Variants in KIF15 observed in about 807,000 individuals in gnomAD.
KIF15 encodes kinesin-like protein KIF15.
KIF15 carries 140 observed loss-of-function variants against 190.6 expected under a neutral mutation model. The ratio of observed to expected loss-of-function variants is 0.73; its 90% CI spans 0.64 to 0.84. The LOEUF (loss-of-function observed/expected upper bound fraction) is 0.84. KIF15 is among the 40% of genes least tolerant of loss of function. The pLI is 0.00. For synonymous variants in KIF15, 528 were observed against 551.3 expected (o/e 0.96, Z 0.59); for missense variants, 1,372 against 1,584.4 (o/e 0.87, Z 2.28).
intron 16 of KIF15, among the ~76,000 whole-genome samples, chr3:44,809,012 G>A (rs1707658771): frequency 6.6e-6 from 1 of 152,124 alleles, no homozygotes. Flanking sequence ...AAGGAGAAGT[G>A]GTCATTTTAG....
chr3:44,796,492 C>T (rs577478867), intron 8 of KIF15, among the ~76,000 whole-genome samples: 27 of 152,128 alleles, frequency 1.8e-4, no homozygotes, highest in African/African-American at 6.3e-4. Context: ...TTAAAGAAAC[C>T]GAAGTCACAC....
At chr3:44,787,294 A>G (rs1706453021) in intron 7 of KIF15, among the ~76,000 whole-genome samples, 1 of 152,168 alleles carries the variant, frequency 6.6e-6, no homozygotes, top group Non-Finnish European at 1.5e-5. Flanking sequence ...ACTAAGTTGA[A>G]TGTCATTATC....
At chr3:44,791,668 T>C (rs1342632032) in intron 7 of KIF15, among the ~76,000 whole-genome samples, 1 of 152,226 alleles carries the variant, frequency 6.6e-6, no homozygotes, top group Admixed American at 6.5e-5. Flanking sequence ...TTGTATTTGC[T>C]TTTTCCCCTT....
intron 26 of KIF15, among the ~76,000 whole-genome samples, chr3:44,837,361 A>T: frequency 6.6e-6 from 1 of 152,192 alleles, no homozygotes; most frequent in African/African-American, 2.4e-5. Flanking sequence ...CAGCCTAAAG[A>T]AATAATCTAG....
intron 6 of KIF15, chr3:44,862,113 C>T (rs763819652): frequency 1.4e-4 from 147 of 1,039,214 alleles, no homozygotes; most frequent in Non-Finnish European, 1.7e-4. Flanking sequence ...CCTTCGGCAG[C>T]GAGGTCGAGC....
In KIF15 at chr3:44,851,945, C is replaced by T. The variant is rs760634030; in HGVS notation, c.3965C>T (p.Thr1322Ile). The T allele has an allele frequency of 1.9e-6, 3 of 1,612,948 alleles. No homozygotes were observed. The Admixed American group carries it at 5.0e-5, about 27-fold the overall frequency. Residue 1322 changes from threonine to isoleucine, a missense_variant, in exon 33 of 35, where the codon ACA (threonine) becomes ATA (isoleucine). Thr to Ile is a moderately conservative substitution (Grantham distance 89). Coordinates refer to ENST00000326047, the MANE Select transcript of KIF15 (RefSeq NM_020242.3). ...LEEMYEERERTSQEMEMLRKQ... is the reference protein window; with the variant it reads ...LEEMYEERERISQEMEMLRKQ... ...GAAATGTATGAAGAAAGAGAGAGAA[C>T]ATCCCAGGTGTGCTAGTGTGTTGGT...
At chr3:44,792,403 G>A (rs909423700) in intron 7 of KIF15, among the ~76,000 whole-genome samples, 1 of 151,994 alleles carries the variant, frequency 6.6e-6, no homozygotes, top group African/African-American at 2.4e-5. Context: ...GAGCCTGGGA[G>A]GCAGAGATTT....
intron 20 of KIF15, among the ~76,000 whole-genome samples, chr3:44,823,614 C>G (rs1287655058): frequency 1.8e-4 from 28 of 152,214 alleles, no homozygotes; most frequent in Non-Finnish European, 1.3e-4. Flanking sequence ...GCTCTGCCCC[C>G]ACAGGTGGAA....
At chr3:44,802,257 T>C (rs1187214105) in intron 13 of KIF15, among the ~76,000 whole-genome samples, 1 of 152,210 alleles carries the variant, frequency 6.6e-6, no homozygotes, top group Non-Finnish European at 1.5e-5. Context: ...GTCAGTAGGC[T>C]CTTTAGGGTT....
In KIF15 at chr3:44,832,588, C is replaced by T. The variant is rs561085274; in HGVS notation, c.3171+1570C>T. On this transcript the variant is annotated intron_variant, in intron 26 of 34. Transcript: ENST00000326047. ...AGGCCCACAGAAAGTTAATGAGATG[C>T]ATTTTATACATACCAGTTTTGAATT... is the stretch of plus-strand genomic sequence containing the variant. Among the ~76,000 whole-genome samples, 169 of 152,244 alleles carry T rather than the reference C, an allele frequency of 1.1e-3. 2 individuals are homozygous for T. The highest frequency in any genetic ancestry group is 6.8e-3 in the Middle Eastern group (2 of 294).
intron 1 of KIF15, among the ~76,000 whole-genome samples, chr3:44,765,778 A>C (rs1204777906): frequency 1.3e-5 from 2 of 152,004 alleles, no homozygotes; most frequent in Non-Finnish European, 2.9e-5. Context: ...TGTCTTCCTA[A>C]TTACTTTCAC....
intron 4 of KIF15, among the ~76,000 whole-genome samples, chr3:44,778,742 G>T (rs1443145323): frequency 6.6e-6 from 1 of 151,884 alleles, no homozygotes; most frequent in Non-Finnish European, 1.5e-5. Flanking sequence ...ACTTTGGGAG[G>T]CTGAGGTGGA....
chr3:44,841,626 C>G (rs531005446), intron 29 of KIF15, among the ~76,000 whole-genome samples: 97 of 152,004 alleles, frequency 6.4e-4, no homozygotes, highest in African/African-American at 2.2e-3. Context: ...TCTTGATCTC[C>G]TGACCTCATG....
chr3:44,795,366 G>A (rs1011117822), intron 8 of KIF15, among the ~76,000 whole-genome samples: 3 of 152,150 alleles, frequency 2.0e-5, no homozygotes, highest in Non-Finnish European at 2.9e-5. Context: ...CAATGGATGG[G>A]TTGGTTAGAG....
At chr3:44,845,543 G>A (rs997760246) in intron 30 of KIF15, among the ~76,000 whole-genome samples, 18 of 152,050 alleles carry the variant, frequency 1.2e-4, no homozygotes, top group Non-Finnish European at 2.9e-5. Flanking sequence ...AAGAAACTCT[G>A]GCCCCTGTGG....
At chr3:44,826,241 G>A (rs767893821) in intron 21 of KIF15, 52 bp downstream of exon 21, 42 of 1,555,424 alleles carry the variant, frequency 2.7e-5, no homozygotes, top group Non-Finnish European at 3.4e-5. Context: ...CCTTTTGAGT[G>A]TAGGACAAGG....
chr3:44,780,068 T>A (rs889177555), intron 4 of KIF15, among the ~76,000 whole-genome samples: 1 of 37,592 alleles, frequency 2.7e-5, no homozygotes, highest in Admixed American at 3.3e-4. Flanking sequence ...AAAATACAAC[T>A]TTTTTTTTTT....
chr3:44,768,643 T>C (rs2125894278), intron 1 of KIF15, among the ~76,000 whole-genome samples: 1 of 151,520 alleles, frequency 6.6e-6, no homozygotes, highest in East Asian at 1.9e-4. Context: ...CTCCTGTCTC[T>C]ATCATTCCCC....
chr3:44,820,558 G>T (rs1262048428), intron 20 of KIF15, among the ~76,000 whole-genome samples: 1 of 151,842 alleles, frequency 6.6e-6, no homozygotes, highest in Non-Finnish European at 1.5e-5. Flanking sequence ...GACTCTTAAC[G>T]AGCATGCTGC....
Sources: allele counts gnomAD v4.1 joint callset (sites outside exome capture counted in the v4.1 genomes callset), GRCh38; gene constraint gnomAD v4.1.1; transcripts MANE v1.5; gene names NCBI Gene and HGNC (gene_info 2026-07-23, HGNC 2026-07-21).